The following TMC3 variants were observed in gnomAD, a reference collection of about 807,000 sequenced individuals.
TMC3 encodes transmembrane channel like 3, also known as transmembrane channel-like protein 3.
Under a neutral mutation model 110.6 loss-of-function variants are expected in TMC3, and 98 were observed. The ratio of observed to expected loss-of-function variants is 0.89; its 90% CI spans 0.75 to 1.05. The LOEUF (loss-of-function observed/expected upper bound fraction) is 1.05, where lower values mean the gene tolerates loss of function less well. TMC3 is among the 50% of genes least tolerant of loss of function. The probability of loss-of-function intolerance (pLI) is 0.00; values close to 1 mark genes in which losing one functional copy is unlikely to be tolerated. For missense variants in TMC3, 1,319 were observed against 1,373.2 expected (o/e 0.96, Z 0.62); for synonymous variants, 489 against 513.1 (o/e 0.95, Z 0.63).
intron 3 of TMC3, among the ~76,000 whole-genome samples, chr15:81,367,352 C>T (rs1052077265): frequency 2.0e-5 from 3 of 152,036 alleles, no homozygotes; most frequent in Non-Finnish European, 4.4e-5. Flanking sequence ...TGTATATACA[C>T]TACAGTTATG....
chr15:81,372,443 G>GAT (rs1175710840), intron 2 of TMC3, 148 bp downstream of exon 2: 2 of 888,574 alleles, frequency 2.3e-6, no homozygotes, highest in East Asian at 5.4e-5. Flanking sequence ...AGACCTCTCA[G>GAT]ATATCTTTGT....
At chr15:81,341,740 T>G (rs1400762717) in intron 15 of TMC3, 2 of 330,420 alleles carry the variant, frequency 6.1e-6, no homozygotes, top group Non-Finnish European at 1.1e-5. Context: ...AAATATTATA[T>G]TTGCAAAGGA....
intron 3 of TMC3, among the ~76,000 whole-genome samples, chr15:81,362,950 G>A (rs928035613): frequency 7.2e-5 from 11 of 152,148 alleles, no homozygotes; most frequent in African/African-American, 2.7e-4. Flanking sequence ...TCAGGGATAA[G>A]GTCTAAAAAT....
intron 19 of TMC3, among the ~76,000 whole-genome samples, chr15:81,337,373 G>A (rs1043564053): frequency 1.3e-5 from 2 of 152,174 alleles, no homozygotes; most frequent in African/African-American, 4.8e-5. Context: ...TGCTCTGAGA[G>A]ATAGGGTTTG....
intron 7 of TMC3, among the ~76,000 whole-genome samples, 172 bp downstream of exon 7, chr15:81,357,977 A>G (rs1894101850): frequency 6.6e-6 from 1 of 152,210 alleles, no homozygotes; most frequent in Non-Finnish European, 1.5e-5. Context: ...CCTTAACTTT[A>G]CAGGGCTATT....
chr15:81,370,584 C>G (rs1334684721), intron 2 of TMC3, among the ~76,000 whole-genome samples: 2 of 152,152 alleles, frequency 1.3e-5, no homozygotes, highest in Non-Finnish European at 2.9e-5. Context: ...TCTGCTGTCC[C>G]CTCAAAGTTA....
At chr15:81,338,117 T>C (rs1893636980) in intron 18 of TMC3, among the ~76,000 whole-genome samples, 193 bp from the exon 19 acceptor site, 2 of 152,176 alleles carry the variant, frequency 1.3e-5, no homozygotes, top group Non-Finnish European at 2.9e-5. Context: ...GGGCTGCTTT[T>C]GTTTTCTCTT....
Position 81,336,612 on chromosome 15 carries a change from C to A in TMC3, c.2200G>T (p.Glu734Ter). ...AAAAAGAAACGGAAATACTTACCTTCTACCATCTGGGCAACCTTTTTCTTA... is the reference window on the plus strand; with the variant it reads ...AAAAAGAAACGGAAATACTTACCTTATACCATCTGGGCAACCTTTTTCTTA... ...EDKKKVAQMV[E>*]ARIQTQEEST... is the part of the protein sequence containing the mutation. The change falls in exon 20 of 22, where the codon GAA (glutamate) becomes TAA (stop). Residue 734 changes from glutamate to a stop codon, truncating the protein, a stop_gained. Transcript: ENST00000359440. LOFTEE classifies it high-confidence loss of function. 1 of 1,613,826 alleles carries A rather than the reference C, an allele frequency of 6.2e-7. No individual in the cohort carries two copies. The highest frequency in any genetic ancestry group is 1.3e-5 in the African/African-American group (1 of 75,050).
chr15:81,340,344 C>G (rs1450879266), intron 16 of TMC3, among the ~76,000 whole-genome samples: 1 of 152,130 alleles, frequency 6.6e-6, no homozygotes, highest in Admixed American at 6.6e-5. Flanking sequence ...TTATCTTTGT[C>G]TATCCACAGA....
At chr15:81,355,414 A>C (rs1194196524) in intron 9 of TMC3, among the ~76,000 whole-genome samples, 3 of 152,210 alleles carry the variant, frequency 2.0e-5, no homozygotes, top group Admixed American at 6.5e-5. Flanking sequence ...TTTCTAAATA[A>C]AACTAGTCTT....
At chr15:81,341,570 C>T in intron 15 of TMC3, 52 bp from the exon 16 acceptor site, 1 of 1,572,180 alleles carries the variant, frequency 6.4e-7, no homozygotes, top group East Asian at 2.3e-5. Flanking sequence ...AGCCTATCTC[C>T]CAGGACTATG....
At chr15:81,371,569 A>T (rs953324221) in intron 2 of TMC3, among the ~76,000 whole-genome samples, 4 of 152,222 alleles carry the variant, frequency 2.6e-5, no homozygotes, top group Admixed American at 2.0e-4. Context: ...TCAATGGTAC[A>T]GGCCATGAAG....
intron 9 of TMC3, among the ~76,000 whole-genome samples, chr15:81,353,113 C>T (rs1312024254): frequency 1.3e-5 from 2 of 152,108 alleles, no homozygotes; most frequent in African/African-American, 4.8e-5. Flanking sequence ...TGTGCCACCA[C>T]ATCCGGCCTG....
In TMC3 at chr15:81,344,024, T is replaced by C; in HGVS notation, c.1540A>G (p.Ile514Val). 6.2e-7 allele frequency: 1 copy of C among 1,611,296 alleles called. No homozygotes were observed. Among genetic ancestry groups the C allele is most frequent in the Non-Finnish European group, 8.5e-7 (1 of 1,178,946 alleles). Residue 514 changes from isoleucine to valine, a missense_variant, in exon 14 of 22, where the codon ATT (isoleucine) becomes GTT (valine). Transcript: ENST00000359440. ...CTCGCCACGGTGAAGAGCATGTCAATGATGGAGAGCTTCAGCATCTCCTGA... is the reference window on the plus strand; with the variant it reads ...CTCGCCACGGTGAAGAGCATGTCAACGATGGAGAGCTTCAGCATCTCCTGA... ...VGQEMLKLSI[I>V]DMLFTVASIL...
intron 9 of TMC3, among the ~76,000 whole-genome samples, chr15:81,352,914 G>A (rs1483903826): frequency 1.3e-5 from 2 of 152,162 alleles, no homozygotes; most frequent in Non-Finnish European, 1.5e-5. Flanking sequence ...CTGCCTCCTG[G>A]GTTCAAGCGA....
intron 3 of TMC3, among the ~76,000 whole-genome samples, chr15:81,367,919 T>G (rs1307126158): frequency 6.6e-6 from 1 of 152,012 alleles, no homozygotes; most frequent in Non-Finnish European, 1.5e-5. Flanking sequence ...GTGTGTGTGT[T>G]TTTTGTTGTT....
At chr15:81,343,452 G>C in intron 14 of TMC3, 107 bp from the exon 15 acceptor site, 3 of 750,600 alleles carry the variant, frequency 4.0e-6, no homozygotes, top group Non-Finnish European at 7.1e-6. Flanking sequence ...TGAACACTTA[G>C]AGATCAGTGC....
At chr15:81,360,965 G>A (rs1048251819) in intron 4 of TMC3, among the ~76,000 whole-genome samples, 1 of 145,592 alleles carries the variant, frequency 6.9e-6, no homozygotes, top group African/African-American at 2.7e-5. Flanking sequence ...GTTTATTACG[G>A]TTTTCTCTTT....
rs183590737 is a variant in TMC3 at position 81,338,478 on chromosome 15, C to A, written c.2081+177G>T. On this transcript the variant is annotated intron_variant, in intron 18 of 21. Coordinates refer to ENST00000359440, the MANE Select transcript of TMC3 (RefSeq NM_001080532.3). ...AGACCCAGTGGCTGTGTCTCCATGG[C>A]ACAGTGCCTCATGTGACTCTGGTGT... Among the ~76,000 whole-genome samples, 144 of 152,292 alleles carry A rather than the reference C, an allele frequency of 9.5e-4. 2 individuals carry two copies. The highest frequency in any genetic ancestry group is 3.4e-3 in the African/African-American group (141 of 41,560).
Sources: allele counts gnomAD v4.1 joint callset (sites outside exome capture counted in the v4.1 genomes callset), GRCh38; gene constraint gnomAD v4.1.1; transcripts MANE v1.5; gene names NCBI Gene and HGNC (gene_info 2026-07-23, HGNC 2026-07-21).